Variants in DYRK1A observed in about 807,000 individuals in gnomAD.
The protein encoded by DYRK1A is dual specificity tyrosine phosphorylation regulated kinase 1A.
Under a neutral mutation model 79.7 loss-of-function variants are expected in DYRK1A, and 9 were observed. The ratio of observed to expected loss-of-function variants is 0.11; its 90% CI spans 0.07 to 0.20. The LOEUF (loss-of-function observed/expected upper bound fraction) is 0.20, where lower values mean the gene tolerates loss of function less well. Among genes scored for constraint, DYRK1A ranks in the 10% least tolerant of loss-of-function variants. The pLI, the probability that DYRK1A is intolerant of heterozygous loss-of-function variation, is 1.00. For missense variants in DYRK1A, 622 were observed against 956.0 expected (o/e 0.65, Z 4.61); for synonymous variants, 349 against 329.7 (o/e 1.06, Z -0.63).
chr21:37,425,208 GC>G (rs2050584497), intron 2 of DYRK1A, among the ~76,000 whole-genome samples: 1 of 152,124 alleles, frequency 6.6e-6, no homozygotes, highest in Admixed American at 6.5e-5. Flanking sequence ...CTCTTTGTGT[GC>G]CCTGTGACTG....
chr21:37,497,344 C>G lies in DYRK1A; in HGVS notation c.1212+1086C>G, dbSNP rs568030670. ...TTGTGTTCTGCCATATTCACTAAAG[C>G]TATAGGCAGTGCAGTTTCCAGCTGC... On this transcript the variant is annotated intron_variant, in intron 9 of 11. Coordinates refer to ENST00000647188, the MANE Select transcript of DYRK1A (RefSeq NM_001347721.2). Among the ~76,000 whole-genome samples the G allele has an allele frequency of 2.2e-3, 340 of 152,302 alleles. 1 individual carries two copies. The highest frequency in any genetic ancestry group is 3.9e-3 in the Non-Finnish European group (264 of 68,014).
intron 2 of DYRK1A, chr21:37,430,364 G>A (rs2050743520): frequency 1.3e-5 from 13 of 985,158 alleles, no homozygotes; most frequent in Non-Finnish European, 1.6e-5. Context: ...CACTGAGGTC[G>A]TTCCAGTCAT....
intron 2 of DYRK1A, among the ~76,000 whole-genome samples, chr21:37,466,250 A>G (rs938478953): frequency 2.6e-5 from 4 of 152,212 alleles, no homozygotes; most frequent in African/African-American, 7.2e-5. Flanking sequence ...ATACACACAT[A>G]TGTGTATGGA....
At chr21:37,384,555 A>G (rs2049722442) in intron 1 of DYRK1A, among the ~76,000 whole-genome samples, 2 of 151,354 alleles carry the variant, frequency 1.3e-5, no homozygotes, top group African/African-American at 4.9e-5. Context: ...GCCTGTTACT[A>G]CAGTGCCCAA....
chr21:37,485,880 T>A (rs879898629), intron 5 of DYRK1A, among the ~76,000 whole-genome samples: 8 of 152,192 alleles, frequency 5.3e-5, no homozygotes, highest in Non-Finnish European at 1.0e-4. Flanking sequence ...CCCCCAATTA[T>A]GGCGTTTGTG....
intron 1 of DYRK1A, among the ~76,000 whole-genome samples, chr21:37,384,266 C>T (rs187981160): frequency 4.5e-4 from 69 of 152,130 alleles, no homozygotes; most frequent in Non-Finnish European, 8.4e-4. Context: ...TTAGTGGTCC[C>T]CTTAAATGTT....
intron 1 of DYRK1A, among the ~76,000 whole-genome samples, chr21:37,398,343 T>TAA (rs755567725): frequency 1.4e-5 from 2 of 142,262 alleles, no homozygotes. Flanking sequence ...TCCTGTCTCT[T>TAA]AAAAAAAAAA....
At chr21:37,502,128 G>GACACAC (rs146992601) in intron 9 of DYRK1A, 1 of 151,532 alleles carries the variant, frequency 6.6e-6, no homozygotes, top group Non-Finnish European at 1.5e-5. Context: ...AACATGTGTA[G>GACACAC]ACACACACAC....
chr21:37,420,438 G>C, intron 2 of DYRK1A, 54 bp downstream of exon 2: 1 of 1,589,264 alleles, frequency 6.3e-7, no homozygotes, highest in Non-Finnish European at 8.6e-7. Context: ...TGTGGGAATC[G>C]ATGGTCTATT....
At chr21:37,479,625 T>TTTTTTTTTTG (rs2052560353) in intron 4 of DYRK1A, among the ~76,000 whole-genome samples, 1 of 97,522 alleles carries the variant, frequency 1.0e-5, no homozygotes, top group African/African-American at 5.6e-5. Flanking sequence ...TTTTGTTTTT[T>TTTTTTTTTTG]TTTTTTTTTT....
At chr21:37,448,555 T>C (rs2051344712) in intron 2 of DYRK1A, among the ~76,000 whole-genome samples, 1 of 152,216 alleles carries the variant, frequency 6.6e-6, no homozygotes, top group South Asian at 2.1e-4. Flanking sequence ...AATAGGAAGG[T>C]TTAACATGAA....
chr21:37,372,974 G>A (rs2049462650), intron 1 of DYRK1A, among the ~76,000 whole-genome samples: 1 of 151,940 alleles, frequency 6.6e-6, no homozygotes, highest in Admixed American at 6.5e-5. Flanking sequence ...TAATATAATT[G>A]TAAATTTAAT....
Position 37,513,218 on chromosome 21 carries a change from C to A in DYRK1A, c.*687C>A, listed in dbSNP as rs1405572343. On this transcript the variant is annotated 3_prime_UTR_variant, in exon 12 of 12. Transcript: ENST00000647188. ...AGCAAAGCAGCAATTACATGGGATC[C>A]TGTGGCTCTCCCGTTGCAGAGGCCA... The A allele has an allele frequency of 6.5e-6, 1 of 152,692 alleles. No homozygotes were observed. Among genetic ancestry groups the A allele is most frequent in the Non-Finnish European group, 1.5e-5 (1 of 68,134 alleles). 9.5% of individuals were successfully genotyped at this position (152,692 alleles called of 1,614,324 possible).
At chr21:37,479,104 T>C (rs1212855719) in intron 4 of DYRK1A, among the ~76,000 whole-genome samples, 1 of 152,086 alleles carries the variant, frequency 6.6e-6, no homozygotes, top group African/African-American at 2.4e-5. Flanking sequence ...TTGCCAGCTT[T>C]AGAGCTGCTT....
intron 2 of DYRK1A, among the ~76,000 whole-genome samples, chr21:37,469,278 C>T (rs758017458): frequency 2.0e-5 from 3 of 152,266 alleles, no homozygotes; most frequent in South Asian, 4.1e-4. Flanking sequence ...GTATACCAAA[C>T]GATGCATAAC....
At chr21:37,384,704 C>A (rs2049725837) in intron 1 of DYRK1A, among the ~76,000 whole-genome samples, 1 of 152,122 alleles carries the variant, frequency 6.6e-6, no homozygotes, top group Middle Eastern at 3.2e-3. Flanking sequence ...ACCTAGAACT[C>A]ACACAGATGT....
intron 2 of DYRK1A, among the ~76,000 whole-genome samples, chr21:37,449,837 A>G (rs1298206360): frequency 1.3e-5 from 2 of 152,180 alleles, no homozygotes; most frequent in Non-Finnish European, 2.9e-5. Context: ...AGTCAAGTCA[A>G]GTCTCTTGGA....
At chr21:37,448,425 G>A (rs1032743783) in intron 2 of DYRK1A, among the ~76,000 whole-genome samples, 2 of 152,118 alleles carry the variant, frequency 1.3e-5, no homozygotes, top group Admixed American at 1.3e-4. Flanking sequence ...TTCAGGCCTA[G>A]CAAGTCCAAA....
At chr21:37,432,256 T>A (rs762832612) in intron 2 of DYRK1A, among the ~76,000 whole-genome samples, 3 of 152,092 alleles carry the variant, frequency 2.0e-5, no homozygotes, top group Non-Finnish European at 2.9e-5. Flanking sequence ...GTTAGTTGAT[T>A]CAGAAGAGTA....
Sources: gnomAD v4.1 joint callset for allele counts (sites outside exome capture counted in the v4.1 genomes callset) on GRCh38, gnomAD v4.1.1 for gene constraint, MANE v1.5 for transcripts, NCBI Gene and HGNC (gene_info 2026-07-23, HGNC 2026-07-21) for gene names.